MGST1: variants seen among roughly 807,000 people sequenced by gnomAD.
MGST1 encodes microsomal glutathione S-transferase 1, also known as glutathione S-transferase 12.
A neutral mutation model predicts 8.9 loss-of-function variants in MGST1; 5 were observed. The ratio of observed to expected loss-of-function variants is 0.56; its 90% CI spans 0.29 to 1.19. The LOEUF is 1.19. Among genes scored for constraint, MGST1 ranks in the 50% most tolerant of loss-of-function variants. The pLI is 0.08. For synonymous variants in MGST1, 54 were observed against 67.8 expected, an observed-to-expected ratio of 0.80 and a Z score of 1.00; for missense variants, 182 against 187.4, an observed-to-expected ratio of 0.97 and a Z score of 0.17.
downstream of MGST1, among the ~76,000 whole-genome samples, chr12:16,367,137 A>G (rs555566535): frequency 5.3e-5 from 8 of 152,258 alleles, no homozygotes; most frequent in South Asian, 2.1e-4. Flanking sequence ...TAAAAATTCT[A>G]TTTACTCTGG....
At chr12:16,487,657 T>C (rs1455037177) in intron 4 of MGST1, among the ~76,000 whole-genome samples, 3 of 152,126 alleles carry the variant, frequency 2.0e-5, no homozygotes, top group Non-Finnish European at 2.9e-5. Flanking sequence ...TGATAGAGAC[T>C]TTTTTTAAGA....
In MGST1 at chr12:16,580,502, T is replaced by C. The variant is rs73322835; in HGVS notation, n.483-9026T>C. On this transcript the variant is annotated intron_variant and non_coding_transcript_variant, in intron 4 of 4. Transcript: ENST00000538857. Reference sequence around the variant, plus strand: ...TCAGATGTAAAGTGAAATCTTGGATTGGATCTTGATTTGGAAAACCTTTGG... The same window carrying C: ...TCAGATGTAAAGTGAAATCTTGGATCGGATCTTGATTTGGAAAACCTTTGG... Among the ~76,000 whole-genome samples, 470 of 152,316 alleles carry C rather than the reference T, an allele frequency of 3.1e-3. 3 individuals carry two copies. The highest frequency in any genetic ancestry group is 0.01 in the African/African-American group (429 of 41,576).
chr12:16,441,126 T>C (rs961402408), downstream of MGST1, among the ~76,000 whole-genome samples: 12 of 151,874 alleles, frequency 7.9e-5, no homozygotes, highest in Non-Finnish European at 1.5e-4. Flanking sequence ...AAACTACACA[T>C]ACATCTTTTC....
chr12:16,543,823 TTG>T (rs1350162724), intron 4 of MGST1, among the ~76,000 whole-genome samples: 1 of 151,974 alleles, frequency 6.6e-6, no homozygotes, highest in African/African-American at 2.4e-5. Flanking sequence ...ACTAAGAAAA[TTG>T]TGTTTTGAGT....
intron 3 of MGST1, among the ~76,000 whole-genome samples, chr12:16,358,261 C>T (rs755279244): frequency 3.9e-5 from 6 of 152,112 alleles, no homozygotes; most frequent in Admixed American, 6.6e-5. Flanking sequence ...GCATAGTACC[C>T]GTTAGTTTTT....
At chr12:16,478,947 A>G (rs542539716) in intron 4 of MGST1, among the ~76,000 whole-genome samples, 62 of 152,026 alleles carry the variant, frequency 4.1e-4, no homozygotes, top group Non-Finnish European at 8.4e-4. Context: ...ATATCACTAA[A>G]CAGTTTCTCC....
chr12:16,390,772 C>G (rs1048466896), intron 1 of MGST1, among the ~76,000 whole-genome samples: 1 of 152,108 alleles, frequency 6.6e-6, no homozygotes, highest in Non-Finnish European at 1.5e-5. Flanking sequence ...AATGAACATT[C>G]ACATGTATGT....
chr12:16,552,719 A>T (rs1293252166), intron 4 of MGST1, among the ~76,000 whole-genome samples: 4 of 152,122 alleles, frequency 2.6e-5, no homozygotes, highest in African/African-American at 9.6e-5. Flanking sequence ...CAGACTATGC[A>T]CTGATCTTGA....
chr12:16,402,729 AG>A (rs1304595761), intron 1 of MGST1, among the ~76,000 whole-genome samples: 3 of 151,834 alleles, frequency 2.0e-5, no homozygotes, highest in Non-Finnish European at 4.4e-5. Flanking sequence ...TTTCTTGACT[AG>A]TCTAACCAGA....
At position 16,500,076 on chromosome 12, in the gene MGST1, A is replaced by T. The variant is rs1241793952; in HGVS notation, n.483-89452A>T. 6.6e-6 allele frequency among the ~76,000 whole-genome samples: 1 copy of T among 152,122 alleles called. No homozygotes were observed. The highest frequency in any genetic ancestry group is 1.5e-5 in the Non-Finnish European group (1 of 68,028). On this transcript the variant is annotated intron_variant and non_coding_transcript_variant, in intron 4 of 4. Transcript: ENST00000538857. The surrounding 1 kb of genome is among the most constrained non-coding windows in gnomAD (Gnocchi z 4.3). ...GGGATAGTTTCATAAGTATGTTTAA[A>T]CTTTAGATATTTGTCAACAATTAAT...
intron 4 of MGST1, among the ~76,000 whole-genome samples, chr12:16,512,612 C>G (rs1941584093): frequency 6.6e-6 from 1 of 152,030 alleles, no homozygotes; most frequent in Non-Finnish European, 1.5e-5. Context: ...AAATAAATAC[C>G]TGAAAATATG....
chr12:16,387,261 T>C (rs1940512002), intron 1 of MGST1, among the ~76,000 whole-genome samples: 1 of 152,192 alleles, frequency 6.6e-6, no homozygotes, highest in Non-Finnish European at 1.5e-5. Context: ...AGCATATATA[T>C]GGCTGTGGAC....
intron 4 of MGST1, among the ~76,000 whole-genome samples, chr12:16,483,423 T>C (rs1033043721): frequency 5.9e-5 from 9 of 152,114 alleles, no homozygotes; most frequent in Admixed American, 1.3e-4. Context: ...GTGAAAATAC[T>C]TGGAATCAAA....
intron 4 of MGST1, among the ~76,000 whole-genome samples, chr12:16,475,950 C>T (rs566049212): frequency 2.0e-4 from 30 of 149,314 alleles, no homozygotes; most frequent in Middle Eastern, 6.8e-3. Flanking sequence ...AAAGAGTTAG[C>T]GTCTGAAAAG....
In MGST1 at chr12:16,401,850, G is replaced by A; in HGVS notation, n.778+18246G>A. The A allele has an allele frequency of 6.2e-7, 1 of 1,605,272 alleles. No individual in the cohort carries two copies. Among genetic ancestry groups the A allele is most frequent in the Non-Finnish European group, 8.5e-7 (1 of 1,171,900 alleles). On this transcript the variant is annotated intron_variant and non_coding_transcript_variant, in intron 1 of 1. Transcript: ENST00000359720. The surrounding 1 kb of genome is among the most constrained non-coding windows in gnomAD (Gnocchi z 4.3). ...CTTGAAGAATTTGTTGAAGACTTCA[G>A]AAGTGATGCCAGCTGCTTTCTTCAT...
chr12:16,450,669 A>G (rs2137112519), intron 4 of MGST1, among the ~76,000 whole-genome samples: 1 of 152,104 alleles, frequency 6.6e-6, no homozygotes, highest in East Asian at 1.9e-4. Flanking sequence ...ACAATTTAAC[A>G]CACTTTCAAA....
Position 16,470,531 on chromosome 12 carries a change from G to C in MGST1, n.482+86927G>C, listed in dbSNP as rs944769232. ...AGAAATCACTGGTTTCGGGAAGAAG[G>C]CTTTCTGTAATTTGTGTTGTGTTGA... On this transcript the variant is annotated intron_variant and non_coding_transcript_variant, in intron 4 of 4. Coordinates refer to the MGST1 transcript ENST00000538857. Among the ~76,000 whole-genome samples, 7 of 152,262 alleles carry C rather than the reference G, an allele frequency of 4.6e-5. 1 individual carries two copies. In the South Asian group the frequency reaches 1.0e-3, roughly 23 times the overall value.
intron 1 of MGST1, among the ~76,000 whole-genome samples, chr12:16,428,364 T>G (rs897806771): frequency 2.0e-5 from 3 of 151,916 alleles, no homozygotes; most frequent in Admixed American, 6.6e-5. Context: ...TTCCTAATTT[T>G]TTTCTGAAAA....
intron 4 of MGST1, among the ~76,000 whole-genome samples, chr12:16,529,673 A>G (rs1941710429): frequency 6.6e-6 from 1 of 152,060 alleles, no homozygotes; most frequent in African/African-American, 2.4e-5. Context: ...TTCTTTTGTG[A>G]AATGATGAAA....
Sources: gnomAD v4.1 joint callset for allele counts (sites outside exome capture counted in the v4.1 genomes callset) on GRCh38, gnomAD v4.1.1 for gene constraint, Gnocchi (gnomAD v3.1) non-coding constraint, MANE v1.5 for transcripts, NCBI Gene and HGNC (gene_info 2026-07-23, HGNC 2026-07-21) for gene names.